Variants in ARFGEF3 observed in about 807,000 individuals in gnomAD.
The protein encoded by ARFGEF3 is brefeldin A-inhibited guanine nucleotide-exchange protein 3.
In ARFGEF3, 96 loss-of-function variants were observed where a neutral mutation model predicts 221.7. The observed-to-expected ratio is 0.43, with a 90% CI of 0.37 to 0.51. The LOEUF (loss-of-function observed/expected upper bound fraction) is 0.51. Among genes scored for constraint, ARFGEF3 ranks in the 20% least tolerant of loss-of-function variants. The probability of loss-of-function intolerance (pLI) is 0.00; values close to 1 mark genes in which losing one functional copy is unlikely to be tolerated. For synonymous variants in ARFGEF3, 1,145 were observed against 1,126.8 expected, an observed-to-expected ratio of 1.02 and a Z score of -0.32; for missense variants, 2,410 against 2,789.9, an observed-to-expected ratio of 0.86 and a Z score of 3.07.
intron 22 of ARFGEF3, among the ~76,000 whole-genome samples, chr6:138,305,882 A>G (rs898507886): frequency 1.3e-5 from 2 of 152,180 alleles, no homozygotes; most frequent in African/African-American, 4.8e-5. Context: ...CATCTTTGAG[A>G]ATCCTACATC....
At chr6:138,204,339 C>CA (rs11336345) in intron 2 of ARFGEF3, among the ~76,000 whole-genome samples, 10,030 of 56,688 alleles carry the variant, frequency 0.18, 529 homozygotes, top group South Asian at 0.2. Context: ...ACTCCATCTC[C>CA]AAAAAAAAAA....
chr6:138,307,339 A>C lies in ARFGEF3; in HGVS notation c.3915A>C (p.Thr1305=). 1 of 1,614,016 alleles carries C rather than the reference A, an allele frequency of 6.2e-7. No individual in the cohort carries two copies. Among genetic ancestry groups the C allele is most frequent in the Non-Finnish European group, 8.5e-7 (1 of 1,179,860 alleles). The change falls in exon 23 of 34, where the codon ACA becomes ACC. Residue 1305 remains threonine, a synonymous_variant. Transcript: ENST00000251691. ...GACCCTTGTTCAGTGCCCTGGAAAC[A>C]GTGCATGGCGGGAACAAGTCAGAGA... is the stretch of plus-strand genomic sequence containing the variant. ...GWRPLFSALE[T]VHGGNKSEMK... is the part of the protein sequence containing the mutation.
At chr6:138,209,349 T>C (rs545025761) in intron 3 of ARFGEF3, among the ~76,000 whole-genome samples, 16 of 152,194 alleles carry the variant, frequency 1.1e-4, no homozygotes, top group Non-Finnish European at 2.1e-4. Flanking sequence ...CTAAATACTT[T>C]GTATGGCCGG....
chr6:138,259,877 G>A (rs111909917), intron 10 of ARFGEF3, among the ~76,000 whole-genome samples: 6,225 of 152,058 alleles, frequency 0.041, 404 homozygotes, highest in African/African-American at 0.14. Context: ...TTGTGCTGCT[G>A]TACTCCAGTC....
At chr6:138,297,842 C>T in intron 21 of ARFGEF3, among the ~76,000 whole-genome samples, 1 of 152,100 alleles carries the variant, frequency 6.6e-6, no homozygotes, top group South Asian at 2.1e-4. Context: ...ATCTCACTGG[C>T]TTTAATTGTG....
At position 138,334,456 on chromosome 6, in the gene ARFGEF3, C is replaced by A. The variant is rs572925145; in HGVS notation, c.5610C>A (p.Ser1870Arg). ...EDIFEETAQV[S>R]PPRGKEKRQW... ...TCTTTGAGGAAACCGCCCAGGTCAG[C>A]CCCCCGAGAGGCAAGGAGAAGAGAC... The change falls in exon 33 of 34, where the codon AGC becomes AGA. Residue 1870 changes from serine (S) to arginine (R), a missense_variant. Ser to Arg is a moderately radical substitution (Grantham distance 110). Around this residue, in one of 5 missense-constraint regions of ARFGEF3, gnomAD observed 723 missense variants for 991.9 expected, o/e 0.73. Coordinates refer to ENST00000251691, the MANE Select transcript of ARFGEF3 (RefSeq NM_020340.5). This position sits in a 1 kb window ranked among gnomAD's most constrained non-coding sequence, Gnocchi z 5.1. 31 of 1,610,714 alleles carry A rather than the reference C, an allele frequency of 1.9e-5. No individual in the cohort carries two copies. The highest frequency in any genetic ancestry group is 2.5e-5 in the Non-Finnish European group (30 of 1,178,878).
intron 13 of ARFGEF3, 50 bp from the exon 14 acceptor site, chr6:138,279,949 T>C (rs201509016): frequency 6.3e-7 from 1 of 1,584,942 alleles, no homozygotes; most frequent in East Asian, 2.2e-5. Flanking sequence ...TAGGAGCCTG[T>C]TAGTGAGCAG....
intron 6 of ARFGEF3, among the ~76,000 whole-genome samples, chr6:138,238,861 T>C (rs773700505): frequency 4.6e-5 from 7 of 152,190 alleles, no homozygotes; most frequent in Non-Finnish European, 8.8e-5. Flanking sequence ...TTTTGAGTTA[T>C]TTTAAAACTT....
At chr6:138,315,284 T>G (rs563210694) in intron 26 of ARFGEF3, among the ~76,000 whole-genome samples, 27 of 152,314 alleles carry the variant, frequency 1.8e-4, no homozygotes, top group Admixed American at 1.8e-3. Flanking sequence ...CTCCTGTGAA[T>G]CAGAGTTCAA....
chr6:138,309,228 T>G (rs1351193666), intron 24 of ARFGEF3, among the ~76,000 whole-genome samples: 4 of 152,222 alleles, frequency 2.6e-5, no homozygotes, highest in Non-Finnish European at 5.9e-5. Context: ...TTAAGTTTCT[T>G]CTAAACCTTT....
chr6:138,335,592 C>A (rs1323075903), intron 33 of ARFGEF3, among the ~76,000 whole-genome samples: 1 of 151,526 alleles, frequency 6.6e-6, no homozygotes, highest in Non-Finnish European at 1.5e-5. Context: ...TGCCTGTAAT[C>A]CCAGCTACTT....
intron 1 of ARFGEF3, among the ~76,000 whole-genome samples, chr6:138,165,442 G>A (rs1281751651): frequency 6.6e-6 from 1 of 150,948 alleles, no homozygotes; most frequent in South Asian, 2.1e-4. Flanking sequence ...AGACGCTCAT[G>A]GGAGAGAGGG....
chr6:138,262,627 C>T (rs995393628), intron 11 of ARFGEF3, 74 bp from the exon 12 acceptor site: 3 of 1,436,492 alleles, frequency 2.1e-6, no homozygotes, highest in African/African-American at 2.8e-5. Flanking sequence ...GCCAGGCTAA[C>T]ACTCTTGTTC....
At chr6:138,300,652 A>G (rs969001406) in intron 22 of ARFGEF3, among the ~76,000 whole-genome samples, 1 of 152,374 alleles carries the variant, frequency 6.6e-6, no homozygotes, top group Middle Eastern at 3.4e-3. Flanking sequence ...TTTTGCCATC[A>G]CAGCAAAAAC....
chr6:138,170,983 A>T lies in ARFGEF3; in HGVS notation c.137+270A>T, dbSNP rs190017051. Among the ~76,000 whole-genome samples, 19 of 152,282 alleles carry T rather than the reference A, an allele frequency of 1.2e-4. 1 individual carries two copies. The highest frequency in any genetic ancestry group is 4.3e-4 in the African/African-American group (18 of 41,556). On this transcript the variant is annotated intron_variant, in intron 2 of 33. Transcript: ENST00000251691. ...AAAAAGAGGGTGGAACAGAGAAGAG[A>T]GAAGGGGACTGAATGCACCCTTTTC...
Position 138,263,289 on chromosome 6 carries a change from C to A in ARFGEF3, c.1806C>A (p.Asp602Glu), listed in dbSNP as rs1168194701. The change falls in exon 12 of 34, where the codon GAC (aspartate) becomes GAA (glutamate). Residue 602 changes from aspartate (D) to glutamate (E), a missense_variant. By Grantham distance (45) the Asp-to-Glu change is conservative. Around this residue, in one of 5 missense-constraint regions of ARFGEF3, gnomAD observed 594 missense variants for 734.3 expected, o/e 0.81. Coordinates refer to ENST00000251691, the MANE Select transcript of ARFGEF3 (RefSeq NM_020340.5). The stretch of plus-strand genomic sequence containing the variant: ...GCAATTTTAGCGTTGATGACCAAGA[C>A]CTTTCTAGGACAGAGTTTGATTCCT... ...SESNFSVDDQDLSRTEFDSCD... is the reference protein window; with the variant it reads ...SESNFSVDDQELSRTEFDSCD... 3 of 1,613,824 alleles carry A rather than the reference C, an allele frequency of 1.9e-6. No individual in the cohort carries two copies. The highest frequency in any genetic ancestry group is 1.1e-5 in the South Asian group (1 of 91,076).
intron 2 of ARFGEF3, among the ~76,000 whole-genome samples, chr6:138,177,305 G>T (rs920612916): frequency 5.3e-5 from 8 of 151,924 alleles, no homozygotes; most frequent in African/African-American, 1.9e-4. Flanking sequence ...TTTTGGTAGA[G>T]ATTGGGTTTC....
chr6:138,244,966 T>C (rs551242933), intron 7 of ARFGEF3, among the ~76,000 whole-genome samples: 1 of 152,212 alleles, frequency 6.6e-6, no homozygotes, highest in Non-Finnish European at 1.5e-5. Context: ...AGAAACAATC[T>C]ATTTTCTTTC....
intron 20 of ARFGEF3, among the ~76,000 whole-genome samples, chr6:138,296,028 T>C (rs765890960): frequency 2.1e-4 from 32 of 152,124 alleles, no homozygotes; most frequent in Non-Finnish European, 3.8e-4. Flanking sequence ...GCGGGGAAGA[T>C]GAAGGTTGTC....
Sources: allele counts gnomAD v4.1 joint callset (sites outside exome capture counted in the v4.1 genomes callset), GRCh38; gene constraint gnomAD v4.1.1; regional missense constraint gnomAD v4.1.1; non-coding constraint Gnocchi (gnomAD v3.1); transcripts MANE v1.5; gene names NCBI Gene and HGNC (gene_info 2026-07-23, HGNC 2026-07-21).